The following CNTN5 variants were observed in gnomAD, a reference collection of about 807,000 sequenced individuals.
The protein encoded by CNTN5 is contactin-5.
A neutral mutation model predicts 129.1 loss-of-function variants in CNTN5; 77 were observed. The observed-to-expected ratio is 0.60, with a 90% confidence interval of 0.50 to 0.72. The LOEUF is 0.72. Among genes scored for constraint, CNTN5 ranks in the 30% least tolerant of loss-of-function variants. The pLI, the probability that CNTN5 is intolerant of heterozygous loss-of-function variation, is 0.00. For synonymous variants in CNTN5, 509 were observed against 465.6 expected, an observed-to-expected ratio of 1.09 and a Z score of -1.20; for missense variants, 1,478 against 1,328.8, an observed-to-expected ratio of 1.11 and a Z score of -1.75.
At chr11:99,077,746 C>T (rs1025601075) in intron 1 of CNTN5, among the ~76,000 whole-genome samples, 5 of 152,112 alleles carry the variant, frequency 3.3e-5, no homozygotes, top group African/African-American at 1.2e-4. Context: ...TGAATCAGTT[C>T]TCAGGAGATC....
In CNTN5 at chr11:99,648,838, A is replaced by G. The variant is rs116789401; in HGVS notation, c.55+92569A>G. On this transcript the variant is annotated intron_variant, in intron 3 of 24. Coordinates refer to ENST00000524871, the MANE Select transcript of CNTN5 (RefSeq NM_014361.4). Reference sequence around the variant, plus strand: ...ATTAAACACTGCATGTCCCACTCATATGCAGAAAAAGTTAAATTCACAGAA... The same window carrying G: ...ATTAAACACTGCATGTCCCACTCATGTGCAGAAAAAGTTAAATTCACAGAA... Among the ~76,000 whole-genome samples the G allele has an allele frequency of 3.5e-3, 528 of 152,002 alleles. 6 individuals carry two copies. The highest frequency in any genetic ancestry group is 0.012 in the African/African-American group (509 of 41,548).
chr11:99,466,422 A>G (rs1277712907), intron 2 of CNTN5, among the ~76,000 whole-genome samples: 1 of 152,084 alleles, frequency 6.6e-6, no homozygotes, highest in African/African-American at 2.4e-5. Flanking sequence ...CCTTCTCGAT[A>G]TCTTTGATAT....
At chr11:99,463,776 TA>T (rs1399600649) in intron 2 of CNTN5, among the ~76,000 whole-genome samples, 136 of 10,150 alleles carry the variant, frequency 0.013, no homozygotes, top group African/African-American at 0.026. Context: ...TACTACAAAT[TA>T]ATTAAATTCT....
chr11:100,085,077 AG>A lies in CNTN5; in HGVS notation c.1580+10788del, dbSNP rs201243473. ...GGGGTGGTGGGATATAGGCCACTTAAGGGGGAGTAAATAATTTTGGGGAGAG... is the reference window on the plus strand; with the variant it reads ...GGGGTGGTGGGATATAGGCCACTTAAGGGGAGTAAATAATTTTGGGGAGAG... On this transcript the variant is annotated intron_variant, in intron 13 of 24. Coordinates refer to ENST00000524871, the MANE Select transcript of CNTN5 (RefSeq NM_014361.4). 7.6e-3 allele frequency among the ~76,000 whole-genome samples: 1,150 copies of A among 152,144 alleles called. 14 individuals are homozygous for A. Among genetic ancestry groups the A allele is most frequent in the African/African-American group, 0.026 (1,091 of 41,540 alleles).
intron 21 of CNTN5, among the ~76,000 whole-genome samples, chr11:100,320,613 TA>T (rs1565426642): frequency 6.6e-6 from 1 of 152,158 alleles, no homozygotes; most frequent in Non-Finnish European, 1.5e-5. Flanking sequence ...TTTTGGGTCA[TA>T]TCCAAAAACT....
chr11:99,454,059 A>G (rs532057776), intron 2 of CNTN5, among the ~76,000 whole-genome samples: 15 of 152,308 alleles, frequency 9.8e-5, no homozygotes, highest in Non-Finnish European at 2.2e-4. Flanking sequence ...TTTATTCTAA[A>G]TTGCTAAGAT....
chr11:99,050,807 T>A (rs1301946402), intron 1 of CNTN5, among the ~76,000 whole-genome samples: 3 of 151,932 alleles, frequency 2.0e-5, no homozygotes, highest in Non-Finnish European at 1.5e-5. Flanking sequence ...TGTTTTCATA[T>A]ACAATAATAC....
intron 3 of CNTN5, among the ~76,000 whole-genome samples, chr11:99,569,642 T>C (rs1029112113): frequency 3.3e-5 from 5 of 152,200 alleles, no homozygotes; most frequent in Admixed American, 2.0e-4. Context: ...TTCTATTGTG[T>C]GGCTTTCTTA....
chr11:99,950,313 CT>C (rs1395409941), intron 7 of CNTN5, among the ~76,000 whole-genome samples: 14 of 151,966 alleles, frequency 9.2e-5, no homozygotes, highest in Non-Finnish European at 1.9e-4. Context: ...CCCATCTCTA[CT>C]AAAAATACAA....
chr11:99,856,898 A>T (rs989898562), intron 6 of CNTN5, among the ~76,000 whole-genome samples: 2 of 152,144 alleles, frequency 1.3e-5, no homozygotes, highest in Non-Finnish European at 2.9e-5. Context: ...CTCATTTATG[A>T]TATCATGTCT....
intron 7 of CNTN5, among the ~76,000 whole-genome samples, chr11:99,925,747 T>C (rs1288960995): frequency 6.6e-6 from 1 of 151,964 alleles, no homozygotes; most frequent in African/African-American, 2.4e-5. Flanking sequence ...TTCTAAATAC[T>C]TCTTCTTCAA....
At chr11:99,501,706 T>C (rs1228071438) in intron 2 of CNTN5, among the ~76,000 whole-genome samples, 1 of 152,242 alleles carries the variant, frequency 6.6e-6, no homozygotes, top group African/African-American at 2.4e-5. Context: ...ATATTATTAG[T>C]GCTTTATTTA....
chr11:100,056,394 G>C (rs895417339), intron 9 of CNTN5, among the ~76,000 whole-genome samples: 9 of 150,760 alleles, frequency 6.0e-5, no homozygotes, highest in Non-Finnish European at 1.3e-4. Context: ...TTGCCATTTA[G>C]AGGAAATTAG....
chr11:99,590,171 G>A (rs1375805585), intron 3 of CNTN5, among the ~76,000 whole-genome samples: 1 of 152,102 alleles, frequency 6.6e-6, no homozygotes, highest in Non-Finnish European at 1.5e-5. Flanking sequence ...GGAAAAAAAA[G>A]AGGACAGCAA....
chr11:99,702,755 TTC>T (rs1954577819), intron 3 of CNTN5, among the ~76,000 whole-genome samples: 1 of 150,974 alleles, frequency 6.6e-6, no homozygotes, highest in Non-Finnish European at 1.5e-5. Flanking sequence ...TTTGAGTTAA[TTC>T]AGGAATCCTC....
At chr11:100,001,012 A>G (rs1939833998) in intron 8 of CNTN5, among the ~76,000 whole-genome samples, 2 of 152,208 alleles carry the variant, frequency 1.3e-5, no homozygotes, top group South Asian at 2.1e-4. Flanking sequence ...CTAGGCGTCC[A>G]GGCCTGTGAT....
chr11:100,148,345 C>G (rs1196246711), intron 13 of CNTN5, among the ~76,000 whole-genome samples: 1 of 152,176 alleles, frequency 6.6e-6, no homozygotes, highest in Non-Finnish European at 1.5e-5. Context: ...GCTCTCAGGG[C>G]TAAGTGCCAT....
At chr11:99,278,081 G>A (rs541022444) in intron 1 of CNTN5, among the ~76,000 whole-genome samples, 3 of 151,670 alleles carry the variant, frequency 2.0e-5, no homozygotes, top group Non-Finnish European at 4.4e-5. Flanking sequence ...CAGGAATCTA[G>A]TTGACTTCAT....
At chr11:99,415,899 A>G (rs1565564287) in intron 2 of CNTN5, among the ~76,000 whole-genome samples, 1 of 152,286 alleles carries the variant, frequency 6.6e-6, no homozygotes, top group Middle Eastern at 3.4e-3. Flanking sequence ...ATTTAATCCG[A>G]ACTCAAAGAG....
Sources: gnomAD v4.1 joint callset for allele counts (sites outside exome capture counted in the v4.1 genomes callset) on GRCh38, gnomAD v4.1.1 for gene constraint, MANE v1.5 for transcripts, NCBI Gene and HGNC (gene_info 2026-07-23, HGNC 2026-07-21) for gene names.